RAPH1: variants seen among roughly 807,000 people sequenced by gnomAD.
The protein encoded by RAPH1 is ras-associated and pleckstrin homology domains-containing protein 1.
RAPH1 carries 18 observed loss-of-function variants against 88.1 expected under a neutral mutation model. The ratio of observed to expected loss-of-function variants is 0.20; its 90% CI spans 0.14 to 0.30. The LOEUF (loss-of-function observed/expected upper bound fraction) is 0.30. Ranked by LOEUF, RAPH1 falls within the 10% of genes least tolerant of loss-of-function variation. RAPH1 has a pLI of 1.00. For missense variants in RAPH1, 1,448 were observed against 1,543.2 expected (o/e 0.94, Z 1.03); for synonymous variants, 587 against 559.0 (o/e 1.05, Z -0.71).
At chr2:203,450,040 A>G (rs187178549) in intron 10 of RAPH1, among the ~76,000 whole-genome samples, 13 of 150,786 alleles carry the variant, frequency 8.6e-5, no homozygotes, top group Admixed American at 8.6e-4. Context: ...AAAAAAAAAC[A>G]AAGAAAGAAA....
At chr2:203,491,942 G>A (rs1688285281) in intron 2 of RAPH1, among the ~76,000 whole-genome samples, 1 of 152,152 alleles carries the variant, frequency 6.6e-6, no homozygotes, top group Non-Finnish European at 1.5e-5. Context: ...ATATGGACAT[G>A]GTAAGCTAAG....
chr2:203,493,971 C>CAAAAAA (rs397937732), intron 2 of RAPH1, among the ~76,000 whole-genome samples: 369 of 18,910 alleles, frequency 0.02, 13 homozygotes, highest in Non-Finnish European at 0.025. Context: ...GACTCTATCT[C>CAAAAAA]AAAAAAAAAA....
intron 4 of RAPH1, among the ~76,000 whole-genome samples, chr2:203,464,403 C>G (rs563388577): frequency 1.4e-3 from 207 of 152,324 alleles, no homozygotes; most frequent in African/African-American, 4.8e-3. Context: ...TCCCAAGTAG[C>G]TGGGATTACA....
intron 4 of RAPH1, among the ~76,000 whole-genome samples, chr2:203,483,942 G>C (rs1687843798): frequency 6.6e-6 from 1 of 152,084 alleles, no homozygotes; most frequent in African/African-American, 2.4e-5. Context: ...CTGGTTCCGA[G>C]GCTTTTTGAC....
At chr2:203,449,409 G>A (rs1478994118) in intron 10 of RAPH1, among the ~76,000 whole-genome samples, 1 of 152,210 alleles carries the variant, frequency 6.6e-6, no homozygotes, top group Non-Finnish European at 1.5e-5. Flanking sequence ...CAGGGCTGCA[G>A]CACTTGCCTC....
intron 1 of RAPH1, among the ~76,000 whole-genome samples, chr2:203,502,401 T>A (rs910645972): frequency 2.0e-5 from 3 of 152,192 alleles, no homozygotes; most frequent in African/African-American, 4.8e-5. Context: ...CTCTTCACTA[T>A]CATCTACATT....
At chr2:203,518,655 G>A (rs1689727185) in intron 1 of RAPH1, among the ~76,000 whole-genome samples, 1 of 151,902 alleles carries the variant, frequency 6.6e-6, no homozygotes, top group African/African-American at 2.4e-5. Context: ...ACACCAGCCT[G>A]AGCAACATAG....
At position 203,440,654 on chromosome 2, in the gene RAPH1, A is replaced by C. The variant is rs773237320; in HGVS notation, c.2536T>G (p.Phe846Val). 6.7e-7 allele frequency: 1 copy of C among 1,487,770 alleles called. No individual in the cohort carries two copies. The highest frequency in any genetic ancestry group is 9.0e-7 in the Non-Finnish European group (1 of 1,114,432). 92.2% of individuals were successfully genotyped at this position (1,487,770 alleles called of 1,614,324 possible). A position where few individuals can be genotyped will look rare whatever the true frequency, so the allele number is the denominator to read the frequency against. Residue 846 changes from phenylalanine to valine, a missense_variant, in exon 14 of 14, where the codon TTC becomes GTC. Physicochemically the swap from Phe to Val is conservative, Grantham distance 50. Transcript: ENST00000319170. Reference sequence around the variant, plus strand: ...GGAGAGGGAGGGGGTTTTGCACAGAAGCTCTGTTGCTTGGGTAATGTTGGC... The same window carrying C: ...GGAGAGGGAGGGGGTTTTGCACAGACGCTCTGTTGCTTGGGTAATGTTGGC... ...PPPTLPKQQS[F>V]CAKPPPSPLS...
chr2:203,475,501 CATTAT>C (rs1553624497), intron 4 of RAPH1, among the ~76,000 whole-genome samples: 1 of 152,158 alleles, frequency 6.6e-6, no homozygotes, highest in Non-Finnish European at 1.5e-5. Context: ...TCTCATCCCA[CATTAT>C]AACACTGAAA....
intron 1 of RAPH1, among the ~76,000 whole-genome samples, chr2:203,530,989 A>G (rs1284358362): frequency 1.3e-5 from 2 of 152,192 alleles, no homozygotes; most frequent in Admixed American, 6.5e-5. Flanking sequence ...CAATGGGGAA[A>G]GGACAGTCCT....
In RAPH1 at chr2:203,453,545, C is replaced by CAA. The variant is rs59304139; in HGVS notation, c.1413+883_1413+884dup. The stretch of plus-strand genomic sequence containing the variant: ...TGGGTGACAGAGCAAGACCCTGCCT[C>CAA]AAAAAAAAAAAAAAAAAAAAAAAAA... On this transcript the variant is annotated intron_variant, in intron 10 of 13. Coordinates refer to ENST00000319170, the MANE Select transcript of RAPH1 (RefSeq NM_213589.3). 5.4e-3 allele frequency among the ~76,000 whole-genome samples: 154 copies of CAA among 28,278 alleles called. 13 individuals carry two copies. The highest frequency in any genetic ancestry group is 9.5e-3 in the African/African-American group (82 of 8,604). 18.6% of individuals were successfully genotyped at this position (28,278 alleles called of 152,430 possible). A position where few individuals can be genotyped will look rare whatever the true frequency, so the allele number is the denominator to read the frequency against.
Position 203,520,305 on chromosome 2 carries a change from C to G in RAPH1, c.-1+14806G>C, listed in dbSNP as rs1211988679. Among the ~76,000 whole-genome samples, 5 of 147,686 alleles carry G rather than the reference C, an allele frequency of 3.4e-5. No individual in the cohort carries two copies. The Admixed American group carries it at 3.5e-4, about 10-fold the overall frequency. ...TGTGATCATACTACTGTACTCCAGC[C>G]TGGGTGACAAAGGGAGCCCCTGCCT... On this transcript the variant is annotated intron_variant, in intron 1 of 13. Transcript: ENST00000319170.
intron 4 of RAPH1, among the ~76,000 whole-genome samples, chr2:203,481,660 T>C (rs1687729797): frequency 6.7e-6 from 1 of 149,872 alleles, no homozygotes; most frequent in Non-Finnish European, 1.5e-5. Context: ...GGCATGATCT[T>C]GGCTCACTGC....
At chr2:203,476,246 C>T (rs1687437866) in intron 4 of RAPH1, among the ~76,000 whole-genome samples, 1 of 152,094 alleles carries the variant, frequency 6.6e-6, no homozygotes, top group Non-Finnish European at 1.5e-5. Flanking sequence ...TCTTGGCTCA[C>T]TGCAGCCTCC....
chr2:203,503,105 T>C lies in RAPH1; in HGVS notation c.1-7752A>G, dbSNP rs149139398. On this transcript the variant is annotated intron_variant, in intron 1 of 13. Coordinates refer to ENST00000319170, the MANE Select transcript of RAPH1 (RefSeq NM_213589.3). ...GTTGCAGTGAGCCAAGATCCCGCCA[T>C]TGCATTCCAGGCTGGGTGACAGAGC... 6.5e-3 allele frequency among the ~76,000 whole-genome samples: 984 copies of C among 152,136 alleles called. 12 individuals carry two copies. The highest frequency in any genetic ancestry group is 0.022 in the African/African-American group (933 of 41,492).
rs140833032 is a variant in RAPH1, at chr2:203,520,070, G to C, written c.-1+15041C>G. ...AGGCCAGGCACAGTGGCTCACACCTGTAATCCTAGCACTTTGGGAGGCTAA... is the reference window on the plus strand; with the variant it reads ...AGGCCAGGCACAGTGGCTCACACCTCTAATCCTAGCACTTTGGGAGGCTAA... On this transcript the variant is annotated intron_variant, in intron 1 of 13. Coordinates refer to ENST00000319170, the MANE Select transcript of RAPH1 (RefSeq NM_213589.3). Among the ~76,000 whole-genome samples, 749 of 152,224 alleles carry C rather than the reference G, an allele frequency of 4.9e-3. 10 individuals carry two copies. Among genetic ancestry groups the C allele is most frequent in the African/African-American group, 0.017 (711 of 41,546 alleles).
Position 203,434,782 on chromosome 2 carries a change from CAACTT to C in RAPH1, c.*4650_*4654del, listed in dbSNP as rs1340091460. ...ATCCATGATAAACATAATTAATTCT[CAACTT>C]AACCATCTATAAAATATGTAGTGTT... On this transcript the variant is annotated 3_prime_UTR_variant, in exon 14 of 14. Transcript: ENST00000319170. 6 of 152,420 alleles carry C rather than the reference CAACTT, an allele frequency of 3.9e-5. No individual in the cohort carries two copies. The highest frequency in any genetic ancestry group is 1.9e-4 in the East Asian group (1 of 5,182). 9.4% of individuals were successfully genotyped at this position (152,420 alleles called of 1,614,324 possible).
At chr2:203,484,032 TG>T (rs1437311616) in intron 4 of RAPH1, among the ~76,000 whole-genome samples, 1 of 152,188 alleles carries the variant, frequency 6.6e-6, no homozygotes, top group Non-Finnish European at 1.5e-5. Context: ...GCCTTCATAA[TG>T]GTGTGGGCTA....
chr2:203,455,366 C>T (rs2098518478), intron 9 of RAPH1, 71 bp downstream of exon 9: 1 of 1,416,718 alleles, frequency 7.1e-7, no homozygotes. Flanking sequence ...TTCACCTTGT[C>T]AGCATACTCA....
Sources: allele counts gnomAD v4.1 joint callset (sites outside exome capture counted in the v4.1 genomes callset), GRCh38; gene constraint gnomAD v4.1.1; transcripts MANE v1.5; gene names NCBI Gene and HGNC (gene_info 2026-07-23, HGNC 2026-07-21).